Variants in SYT16 observed in about 807,000 individuals in gnomAD.
SYT16 encodes synaptotagmin-16.
SYT16 carries 42 observed loss-of-function variants against 61.4 expected under a neutral mutation model. The ratio of observed to expected loss-of-function variants is 0.68; its 90% CI spans 0.53 to 0.89. The LOEUF is 0.89. Ranked by LOEUF, SYT16 falls within the 40% of genes least tolerant of loss-of-function variation. The pLI, the probability that SYT16 is intolerant of heterozygous loss-of-function variation, is 0.00. For synonymous variants in SYT16, 314 were observed against 302.3 expected (o/e 1.04, Z -0.40); for missense variants, 804 against 807.3 (o/e 1.00, Z 0.05).
rs1291427491 is a variant in SYT16, at chr14:62,106,824, C to G, written c.*6117C>G. The G allele has an allele frequency of 6.6e-6, 1 of 152,066 alleles. No homozygotes were observed. The highest frequency in any genetic ancestry group is 2.4e-5 in the African/African-American group (1 of 41,412). 9.4% of individuals were successfully genotyped at this position (152,066 alleles called of 1,614,324 possible). A position where few individuals can be genotyped will look rare whatever the true frequency, so the allele number is the denominator to read the frequency against. On this transcript the variant is annotated 3_prime_UTR_variant, in exon 8 of 8. Transcript: ENST00000683842. ...CACCTTATTTATATCCACTGTGGAACCTGTGAAACAGCTCGAGGCTTTACA... is the reference window on the plus strand; with the variant it reads ...CACCTTATTTATATCCACTGTGGAAGCTGTGAAACAGCTCGAGGCTTTACA...
chr14:62,086,999 G>A lies in SYT16; in HGVS notation c.1624+2614G>A, dbSNP rs376907992. On this transcript the variant is annotated intron_variant, in intron 7 of 7. Transcript: ENST00000683842. ...TTAGGAAGGGATGAGAAAGTAGAAG[G>A]TTCCTTTGTGGAGCTTCTGAAATGG... Among the ~76,000 whole-genome samples, 11 of 152,314 alleles carry A rather than the reference G, an allele frequency of 7.2e-5. No individual in the cohort carries two copies. The East Asian group carries it at 1.7e-3, about 24-fold the overall frequency.
intron 5 of SYT16, chr14:62,077,648 A>T (rs2000316): frequency 1.1e-4 from 17 of 152,134 alleles, no homozygotes; most frequent in Non-Finnish European, 1.5e-5. Flanking sequence ...ACAGTACCCA[A>T]GTGAGGAGCT....
chr14:61,848,386 T>C (rs1352566263), intron 1 of SYT16, among the ~76,000 whole-genome samples: 1 of 152,094 alleles, frequency 6.6e-6, no homozygotes, highest in East Asian at 1.9e-4. Context: ...AGGCAGAGAC[T>C]CTTGCTCTCT....
At chr14:61,992,698 T>C (rs926960826) in intron 2 of SYT16, among the ~76,000 whole-genome samples, 1 of 152,218 alleles carries the variant, frequency 6.6e-6, no homozygotes, top group African/African-American at 2.4e-5. Flanking sequence ...TTGAACTTTA[T>C]CCTATAGGGT....
intron 1 of SYT16, among the ~76,000 whole-genome samples, chr14:61,873,279 T>C (rs913581259): frequency 3.3e-5 from 5 of 152,216 alleles, no homozygotes; most frequent in Non-Finnish European, 7.4e-5. Flanking sequence ...GCTTTTCCCA[T>C]TATCTGAAGA....
At chr14:61,818,374 A>C (rs2045506954) in intron 1 of SYT16, among the ~76,000 whole-genome samples, 1 of 152,124 alleles carries the variant, frequency 6.6e-6, no homozygotes, top group South Asian at 2.1e-4. Flanking sequence ...CTTCAGTAGC[A>C]ATTCTGCAAT....
rs1204208047 is a variant in SYT16 at position 61,982,464 on chromosome 14, C to G, written c.-145+12153C>G. Among the ~76,000 whole-genome samples the G allele has an allele frequency of 2.0e-5, 3 of 152,090 alleles. No individual in the cohort carries two copies. In the East Asian group the frequency reaches 5.8e-4, roughly 29 times the overall value. On this transcript the variant is annotated intron_variant, in intron 2 of 7. Coordinates refer to ENST00000683842, the MANE Select transcript of SYT16 (RefSeq NM_001367656.1). The stretch of plus-strand genomic sequence containing the variant: ...GAGAGCCAAATGAAAGGGATTTCCC[C>G]TTATAAAACCATCATATCTCATGAG...
intron 1 of SYT16, among the ~76,000 whole-genome samples, chr14:61,879,257 A>G (rs543450014): frequency 6.6e-6 from 1 of 152,358 alleles, no homozygotes; most frequent in South Asian, 2.1e-4. Flanking sequence ...AAACAAAAAC[A>G]GAAAAGTGTG....
In SYT16 at chr14:62,049,058, C is replaced by G. The variant is rs1424315868; in HGVS notation, c.524-20545C>G. ...TGAAATTTCTGTCTCGTTGATCTGT[C>G]TAATGTTGACAGTGGGGTGTTAAAG... On this transcript the variant is annotated intron_variant, in intron 3 of 7. Coordinates refer to ENST00000683842, the MANE Select transcript of SYT16 (RefSeq NM_001367656.1). 2.0e-5 allele frequency among the ~76,000 whole-genome samples: 3 copies of G among 152,186 alleles called. No individual in the cohort carries two copies. In the South Asian group the frequency reaches 6.2e-4, roughly 32 times the overall value.
At chr14:61,826,796 C>G (rs532380282) in intron 1 of SYT16, among the ~76,000 whole-genome samples, 2 of 152,130 alleles carry the variant, frequency 1.3e-5, no homozygotes, top group East Asian at 1.9e-4. Flanking sequence ...TCCTACAGTT[C>G]TAGAGGTTGT....
intron 1 of SYT16, among the ~76,000 whole-genome samples, chr14:61,814,740 G>A (rs1018649444): frequency 2.0e-5 from 3 of 152,210 alleles, no homozygotes; most frequent in African/African-American, 7.2e-5. Context: ...AAACTGTGGA[G>A]AAACATTATT....
rs117666984 is a variant in SYT16, at chr14:61,948,161, C to T, written c.-324-21971C>T. ...TTTAGGTATAACCATATCTGTGGCT[C>T]GTGTACCTAATTCTATTAGGGGTTA... On this transcript the variant is annotated intron_variant, in intron 1 of 7. Coordinates refer to ENST00000683842, the MANE Select transcript of SYT16 (RefSeq NM_001367656.1). 3.9e-3 allele frequency among the ~76,000 whole-genome samples: 596 copies of T among 152,076 alleles called. 3 individuals are homozygous for T. Among genetic ancestry groups the T allele is most frequent in the Admixed American group, 0.014 (218 of 15,278 alleles).
At chr14:62,033,052 A>G (rs2054368365) in intron 3 of SYT16, among the ~76,000 whole-genome samples, 1 of 151,998 alleles carries the variant, frequency 6.6e-6, no homozygotes, top group East Asian at 1.9e-4. Flanking sequence ...TTCAGTTAGC[A>G]TACTAAACTT....
At chr14:61,967,847 A>G (rs536750231) in intron 1 of SYT16, among the ~76,000 whole-genome samples, 3 of 152,278 alleles carry the variant, frequency 2.0e-5, no homozygotes, top group East Asian at 1.9e-4. Context: ...GAAATGACTT[A>G]TACATTTCAG....
chr14:62,013,715 C>A (rs1478310389), intron 3 of SYT16, among the ~76,000 whole-genome samples: 1 of 152,136 alleles, frequency 6.6e-6, no homozygotes, highest in Non-Finnish European at 1.5e-5. Flanking sequence ...CCCGTAATCC[C>A]AGAACGTTGG....
intron 2 of SYT16, among the ~76,000 whole-genome samples, chr14:61,971,870 G>T (rs1050506779): frequency 1.3e-5 from 2 of 152,212 alleles, no homozygotes. Context: ...CAAAAGCTGG[G>T]ACTTATGAAT....
At chr14:61,885,817 A>G (rs941002735) in intron 1 of SYT16, among the ~76,000 whole-genome samples, 1 of 152,216 alleles carries the variant, frequency 6.6e-6, no homozygotes, top group African/African-American at 2.4e-5. Context: ...ACATACCTTA[A>G]TAAAAAATAT....
intron 1 of SYT16, among the ~76,000 whole-genome samples, chr14:61,947,190 C>G (rs2140465687): frequency 1.3e-5 from 2 of 151,364 alleles, no homozygotes; most frequent in South Asian, 4.2e-4. Flanking sequence ...ACGGAGAATC[C>G]TGGGCTCTGG....
chr14:61,956,758 C>T (rs1024854592), intron 1 of SYT16, among the ~76,000 whole-genome samples: 71 of 151,734 alleles, frequency 4.7e-4, no homozygotes, highest in African/African-American at 1.6e-3. Flanking sequence ...TTTTGTTTTT[C>T]TTACTCAGTA....
Sources: allele counts gnomAD v4.1 joint callset (sites outside exome capture counted in the v4.1 genomes callset), GRCh38; gene constraint gnomAD v4.1.1; transcripts MANE v1.5; gene names NCBI Gene and HGNC (gene_info 2026-07-23, HGNC 2026-07-21).